BMPR1B: variants seen among roughly 807,000 people sequenced by gnomAD.
BMPR1B encodes bone morphogenetic protein receptor type 1B.
A neutral mutation model predicts 59.1 loss-of-function variants in BMPR1B; 12 were observed. That is an observed-to-expected ratio of 0.20 (90% CI 0.13 to 0.33). The LOEUF (loss-of-function observed/expected upper bound fraction) is 0.33, where lower values mean the gene tolerates loss of function less well. Among genes scored for constraint, BMPR1B ranks in the 10% least tolerant of loss-of-function variants. The pLI is 1.00. For synonymous variants in BMPR1B, 237 were observed against 207.3 expected, an observed-to-expected ratio of 1.14 and a Z score of -1.23; for missense variants, 550 against 610.9, an observed-to-expected ratio of 0.90 and a Z score of 1.05.
chr4:94,894,881 C>A (rs1409650776), intron 2 of BMPR1B, among the ~76,000 whole-genome samples: 1 of 151,360 alleles, frequency 6.6e-6, no homozygotes, highest in East Asian at 1.9e-4. Flanking sequence ...GTATAAATAA[C>A]ATAAGTTCCT....
At chr4:95,071,985 C>T (rs1461864128) in intron 3 of BMPR1B, among the ~76,000 whole-genome samples, 1 of 151,854 alleles carries the variant, frequency 6.6e-6, no homozygotes, top group African/African-American at 2.4e-5. Flanking sequence ...TCACTTGATT[C>T]TGGAGGCTAA....
At chr4:94,951,327 G>C (rs958292705) in intron 2 of BMPR1B, among the ~76,000 whole-genome samples, 1 of 152,188 alleles carries the variant, frequency 6.6e-6, no homozygotes, top group Non-Finnish European at 1.5e-5. Flanking sequence ...GGAATGGTGA[G>C]AGAGGGCATA....
intron 3 of BMPR1B, among the ~76,000 whole-genome samples, chr4:95,015,667 C>T (rs946513458): frequency 2.0e-5 from 3 of 151,710 alleles, no homozygotes; most frequent in African/African-American, 4.8e-5. Context: ...GAATTACAGG[C>T]GTGAATCACC....
chr4:94,773,768 G>A (rs1221965160), intron 1 of BMPR1B, among the ~76,000 whole-genome samples: 1 of 152,068 alleles, frequency 6.6e-6, no homozygotes, highest in South Asian at 2.1e-4. Context: ...TAATTTCCCT[G>A]TGTATCTCAT....
chr4:94,835,285 T>A (rs1724760942), intron 1 of BMPR1B, among the ~76,000 whole-genome samples: 1 of 152,184 alleles, frequency 6.6e-6, no homozygotes. Flanking sequence ...TCCTCCTGTC[T>A]TAGCCTTCCG....
intron 1 of BMPR1B, among the ~76,000 whole-genome samples, chr4:94,764,314 C>T (rs1262918262): frequency 3.3e-5 from 5 of 152,060 alleles, no homozygotes; most frequent in African/African-American, 7.2e-5. Context: ...TTCCTTGGCT[C>T]CCTTTTTGTG....
intron 2 of BMPR1B, among the ~76,000 whole-genome samples, chr4:94,927,069 CAG>C (rs1362539102): frequency 2.0e-5 from 3 of 152,122 alleles, no homozygotes; most frequent in Non-Finnish European, 4.4e-5. Context: ...CTGGTGAACT[CAG>C]ATGATCTGGA....
chr4:95,016,103 A>T (rs1038922036), intron 3 of BMPR1B, among the ~76,000 whole-genome samples: 1 of 50,676 alleles, frequency 2.0e-5, no homozygotes, highest in African/African-American at 5.3e-5. Flanking sequence ...ACTTCAAGGC[A>T]GATAATTGAT....
chr4:94,789,083 C>T (rs908299704), intron 1 of BMPR1B, among the ~76,000 whole-genome samples: 5 of 152,176 alleles, frequency 3.3e-5, no homozygotes, highest in African/African-American at 1.2e-4. Context: ...AGAAGCTTTG[C>T]AGAGTGGCAG....
At chr4:94,988,677 G>T in intron 2 of BMPR1B, among the ~76,000 whole-genome samples, 1 of 152,062 alleles carries the variant, frequency 6.6e-6, no homozygotes, top group East Asian at 1.9e-4. Context: ...TACTAATAAT[G>T]GGTATGTATT....
intron 2 of BMPR1B, among the ~76,000 whole-genome samples, chr4:94,947,846 G>C (rs1729778058): frequency 6.6e-6 from 1 of 152,138 alleles, no homozygotes; most frequent in African/African-American, 2.4e-5. Flanking sequence ...ACCACCTCTG[G>C]CTGTTCATGG....
Position 94,847,140 on chromosome 4 carries a change from A to G in BMPR1B, c.-182-28691A>G, listed in dbSNP as rs902106216. Among the ~76,000 whole-genome samples the G allele has an allele frequency of 3.9e-5, 6 of 152,218 alleles. No individual in the cohort carries two copies. In the South Asian group the frequency reaches 1.2e-3, roughly 31 times the overall value. ...AAATGGGCAGAAAATCTGAAGAAACATTTCTCAAAAGACATACAAATGGCA... is the reference window on the plus strand; with the variant it reads ...AAATGGGCAGAAAATCTGAAGAAACGTTTCTCAAAAGACATACAAATGGCA... On this transcript the variant is annotated intron_variant, in intron 1 of 12. Coordinates refer to ENST00000515059, the MANE Select transcript of BMPR1B (RefSeq NM_001203.3).
At chr4:95,035,929 A>G (rs1465708831) in intron 3 of BMPR1B, among the ~76,000 whole-genome samples, 2 of 152,092 alleles carry the variant, frequency 1.3e-5, no homozygotes, top group African/African-American at 4.8e-5. Context: ...ATGTATTTCC[A>G]TTTGTCTGTG....
In BMPR1B at chr4:94,974,360, A is replaced by G. The variant is rs539675872; in HGVS notation, c.-112-21680A>G. ...CATTTTTTATAGAAGAGTCATTTCA[A>G]ATATCATTTTTTTTCATGCTGAATC... On this transcript the variant is annotated intron_variant, in intron 2 of 12. Coordinates refer to ENST00000515059, the MANE Select transcript of BMPR1B (RefSeq NM_001203.3). 2.3e-5 allele frequency among the ~76,000 whole-genome samples: 3 copies of G among 130,582 alleles called. No individual in the cohort carries two copies. In the East Asian group the frequency reaches 6.3e-4, roughly 27 times the overall value. 85.7% of individuals were successfully genotyped at this position (130,582 alleles called of 152,430 possible).
intron 1 of BMPR1B, among the ~76,000 whole-genome samples, chr4:94,852,585 G>T (rs998616191): frequency 1.3e-5 from 2 of 151,878 alleles, no homozygotes; most frequent in African/African-American, 4.8e-5. Context: ...TTCATTATGG[G>T]ATTTAGCTGT....
chr4:94,997,570 G>C (rs4450936), intron 3 of BMPR1B, among the ~76,000 whole-genome samples: 1 of 152,192 alleles, frequency 6.6e-6, no homozygotes, highest in Non-Finnish European at 1.5e-5. Context: ...CTAATTGATA[G>C]CTTAAACTGT....
chr4:94,871,301 A>T (rs1013749190), intron 1 of BMPR1B, among the ~76,000 whole-genome samples: 1 of 152,168 alleles, frequency 6.6e-6, no homozygotes, highest in African/African-American at 2.4e-5. Context: ...GTAAAGTAAG[A>T]TATTAGTCTT....
At chr4:94,941,311 A>T (rs945086729) in intron 2 of BMPR1B, among the ~76,000 whole-genome samples, 1 of 152,008 alleles carries the variant, frequency 6.6e-6, no homozygotes, top group East Asian at 1.9e-4. Flanking sequence ...GCACGCCTGT[A>T]GTCCCAGCTA....
chr4:94,948,578 G>A (rs1729805663), intron 2 of BMPR1B, among the ~76,000 whole-genome samples: 1 of 152,094 alleles, frequency 6.6e-6, no homozygotes, highest in East Asian at 1.9e-4. Flanking sequence ...TAAAGGATGC[G>A]GCATTGTAGC....
Sources: allele counts gnomAD v4.1 joint callset (sites outside exome capture counted in the v4.1 genomes callset), GRCh38; gene constraint gnomAD v4.1.1; transcripts MANE v1.5; gene names NCBI Gene and HGNC (gene_info 2026-07-23, HGNC 2026-07-21).